GAN: variants seen among roughly 807,000 people sequenced by gnomAD.
The protein encoded by GAN is epididymis secretory sperm binding protein.
In GAN, 48 loss-of-function variants were observed where a neutral mutation model predicts 71.3. The observed-to-expected ratio is 0.67, with a 90% CI of 0.53 to 0.86. The LOEUF is 0.86. GAN is among the 40% of genes least tolerant of loss of function. GAN has a pLI of 0.00. For synonymous variants in GAN, 386 were observed against 276.8 expected (o/e 1.39, Z -3.92); for missense variants, 928 against 770.1 (o/e 1.21, Z -2.43).
intron 9 of GAN, among the ~76,000 whole-genome samples, chr16:81,368,214 A>G (rs1239418191): frequency 6.6e-6 from 1 of 152,212 alleles, no homozygotes; most frequent in Non-Finnish European, 1.5e-5. Flanking sequence ...CAACAGCTTC[A>G]TATACCCAGA....
intron 1 of GAN, among the ~76,000 whole-genome samples, chr16:81,350,734 G>A (rs1910272612): frequency 6.6e-6 from 1 of 152,134 alleles, no homozygotes; most frequent in East Asian, 1.9e-4. Flanking sequence ...GGCCAGGCTG[G>A]CCTCGAACTC....
intron 9 of GAN, among the ~76,000 whole-genome samples, chr16:81,371,641 C>A (rs905677261): frequency 6.6e-6 from 1 of 152,142 alleles, no homozygotes; most frequent in African/African-American, 2.4e-5. Context: ...CTCTACCTCT[C>A]CTCTTTCTCA....
At chr16:81,374,799 C>T (rs536091208) in intron 9 of GAN, among the ~76,000 whole-genome samples, 2 of 152,308 alleles carry the variant, frequency 1.3e-5, no homozygotes, top group African/African-American at 4.8e-5. Context: ...AGCACTTCTT[C>T]ATAGAGCCTC....
chr16:81,318,562 C>G (rs1034366065), intron 1 of GAN, among the ~76,000 whole-genome samples: 1 of 152,190 alleles, frequency 6.6e-6, no homozygotes, highest in Non-Finnish European at 1.5e-5. Context: ...ATGTGCCCAA[C>G]AAAGGAAGCC....
chr16:81,331,799 C>T (rs1317344856), intron 1 of GAN, among the ~76,000 whole-genome samples: 1 of 152,140 alleles, frequency 6.6e-6, no homozygotes, highest in African/African-American at 2.4e-5. Flanking sequence ...ACATTTTGGG[C>T]CGTACGCCCA....
chr16:81,380,430 G>C lies in GAN; in HGVS notation c.*2834G>C, dbSNP rs894046600. ...CCTAGGCTGCAGTCTAAAATAGGTA[G>C]TTTGTTTCTTTGTTTAGCATATCCA... On this transcript the variant is annotated 3_prime_UTR_variant, in exon 11 of 11. Coordinates refer to ENST00000648994, the MANE Select transcript of GAN (RefSeq NM_022041.4). The C allele has an allele frequency of 6.6e-6, 1 of 152,540 alleles. No homozygotes were observed. Among genetic ancestry groups the C allele is most frequent in the African/African-American group, 2.4e-5 (1 of 41,452 alleles). The allele number at this position is 152,540 out of a possible 1,614,324, so 9.4% of individuals were successfully genotyped here. A position where few individuals can be genotyped will look rare whatever the true frequency, so the allele number is the denominator to read the frequency against.
chr16:81,358,405 A>G (rs1379000594), intron 5 of GAN, among the ~76,000 whole-genome samples: 3 of 152,162 alleles, frequency 2.0e-5, no homozygotes, highest in Non-Finnish European at 4.4e-5. Context: ...CTAGGAGTTC[A>G]AGACCAGCCT....
In GAN at chr16:81,364,990, C is replaced by G. The variant is rs1597407026; in HGVS notation, c.1253C>G (p.Ala418Gly). The G allele has an allele frequency of 6.2e-7, 1 of 1,613,980 alleles. No individual in the cohort carries two copies. Among genetic ancestry groups the G allele is most frequent in the Non-Finnish European group, 8.5e-7 (1 of 1,179,902 alleles). Residue 418 changes from alanine to glycine, a missense_variant, in exon 8 of 11, where the codon GCT becomes GGT. By Grantham distance (60) the Ala-to-Gly change is moderately conservative. Transcript: ENST00000648994. Reference sequence around the variant, plus strand: ...TGCTTTCAGATCGGCTGCTATGCAGCTATGAAAAAGAAAATCTACGCCATG... The same window carrying G: ...TGCTTTCAGATCGGCTGCTATGCAGGTATGAAAAAGAAAATCTACGCCATG... ...TMVRKIGCYA[A>G]MKKKIYAMGG... is the part of the protein sequence containing the mutation.
Position 81,315,016 on chromosome 16 carries a change from C to A in GAN, c.-98C>A, listed in dbSNP as rs1043696723. On this transcript the variant is annotated 5_prime_UTR_variant, in exon 1 of 11. Transcript: ENST00000648994. ...AGCTTCTGCTCAGAGCGCGGAGAGC[C>A]GGGCCGGGCGGGCGCGCGCGCAGGA... is the stretch of plus-strand genomic sequence containing the variant. 2 of 1,047,306 alleles carry A rather than the reference C, an allele frequency of 1.9e-6. No individual in the cohort carries two copies. Among genetic ancestry groups the A allele is most frequent in the East Asian group, 3.3e-5 (1 of 30,412 alleles). The allele number at this position is 1,047,306 out of a possible 1,614,324, so 64.9% of individuals were successfully genotyped here. A position where few individuals can be genotyped will look rare whatever the true frequency, so the allele number is the denominator to read the frequency against.
Position 81,315,031 on chromosome 16 carries a change from C to A in GAN, c.-83C>A. ...CGCGGAGAGCCGGGCCGGGCGGGCG[C>A]GCGCGCAGGACTCGGGCCGCTCGAG... On this transcript the variant is annotated 5_prime_UTR_variant, in exon 1 of 11. Coordinates refer to ENST00000648994, the MANE Select transcript of GAN (RefSeq NM_022041.4). The A allele has an allele frequency of 1.7e-6, 2 of 1,193,854 alleles. No individual in the cohort carries two copies. The highest frequency in any genetic ancestry group is 3.0e-4 in the Middle Eastern group (1 of 3,308). The allele number at this position is 1,193,854 out of a possible 1,614,324, so 74.0% of individuals were successfully genotyped here.
At chr16:81,357,229 T>TA (rs1242000190) in intron 4 of GAN, among the ~76,000 whole-genome samples, 2 of 152,182 alleles carry the variant, frequency 1.3e-5, no homozygotes, top group African/African-American at 4.8e-5. Flanking sequence ...TAGCATTAGA[T>TA]ATATTTCCTA....
chr16:81,331,288 C>A (rs556322005), intron 1 of GAN, among the ~76,000 whole-genome samples: 1 of 152,232 alleles, frequency 6.6e-6, no homozygotes, highest in South Asian at 2.1e-4. Context: ...TCATGAAAGA[C>A]AAGGAAGGAA....
At chr16:81,316,560 G>C (rs1210505939) in intron 1 of GAN, among the ~76,000 whole-genome samples, 1 of 152,206 alleles carries the variant, frequency 6.6e-6, no homozygotes, top group Non-Finnish European at 1.5e-5. Context: ...TAATGTGACA[G>C]ACAGCTTCTA....
chr16:81,340,136 G>A (rs1311445665), intron 1 of GAN, among the ~76,000 whole-genome samples: 4 of 151,998 alleles, frequency 2.6e-5, no homozygotes, highest in Admixed American at 1.3e-4. Flanking sequence ...ATGAGGTCTT[G>A]CTGTGTTGCC....
Position 81,364,028 on chromosome 16 carries a change from A to C in GAN, c.1236+85A>C, listed in dbSNP as rs1311169277. 4.0e-6 allele frequency: 4 copies of C among 1,011,212 alleles called. No individual in the cohort carries two copies. In the African/African-American group the frequency reaches 6.3e-5, roughly 16 times the overall value. The allele number at this position is 1,011,212 out of a possible 1,614,324, so 62.6% of individuals were successfully genotyped here. The stretch of plus-strand genomic sequence containing the variant: ...GTCTTCATATCCTGAATAAACCTTT[A>C]ATATAACTGATGGTGTTAAAAGAAT... On this transcript the variant is annotated intron_variant, in intron 7 of 10. Coordinates refer to ENST00000648994, the MANE Select transcript of GAN (RefSeq NM_022041.4).
At position 81,386,565 on chromosome 16, in the gene GAN, G is replaced by A. The variant is rs554104239; in HGVS notation, c.*8969G>A. On this transcript the variant is annotated 3_prime_UTR_variant, in exon 11 of 11. Coordinates refer to ENST00000648994, the MANE Select transcript of GAN (RefSeq NM_022041.4). ...CTTTTCCTGGTTAGGTTATGAGACT[G>A]GCAGAGGTAGGAGTATATAATGTGC... The A allele has an allele frequency of 6.6e-6, 1 of 152,342 alleles. No homozygotes were observed. The highest frequency in any genetic ancestry group is 2.1e-4 in the South Asian group (1 of 4,828). The allele number at this position is 152,342 out of a possible 1,614,324, so 9.4% of individuals were successfully genotyped here.
At chr16:81,360,650 C>G (rs1910643363) in intron 5 of GAN, among the ~76,000 whole-genome samples, 1 of 151,560 alleles carries the variant, frequency 6.6e-6, no homozygotes, top group African/African-American at 2.4e-5. Flanking sequence ...CCTTCAAATC[C>G]TCTCTTATTT....
intron 1 of GAN, among the ~76,000 whole-genome samples, chr16:81,332,929 G>A (rs890419850): frequency 6.6e-6 from 1 of 152,100 alleles, no homozygotes; most frequent in African/African-American, 2.4e-5. Flanking sequence ...GTTTGATCAC[G>A]TTATTTAAGA....
At chr16:81,362,717 C>G in intron 6 of GAN, 106 bp downstream of exon 6, 1 of 743,104 alleles carries the variant, frequency 1.3e-6, no homozygotes, top group East Asian at 2.6e-5. Context: ...CTTGTCAAGC[C>G]ACCTGCCTCA....
Sources: allele counts gnomAD v4.1 joint callset (sites outside exome capture counted in the v4.1 genomes callset), GRCh38; gene constraint gnomAD v4.1.1; transcripts MANE v1.5; gene names NCBI Gene and HGNC (gene_info 2026-07-23, HGNC 2026-07-21).